L3MBTL1: variants seen among roughly 807,000 people sequenced by gnomAD.
L3MBTL1 encodes lethal(3)malignant brain tumor-like protein 1.
L3MBTL1 carries 75 observed loss-of-function variants against 105.3 expected under a neutral mutation model. That is an observed-to-expected ratio of 0.71 (90% CI 0.59 to 0.86). The LOEUF (loss-of-function observed/expected upper bound fraction) is 0.86. Ranked by LOEUF, L3MBTL1 falls within the 40% of genes least tolerant of loss-of-function variation. The pLI, the probability that L3MBTL1 is intolerant of heterozygous loss-of-function variation, is 0.00. For synonymous variants in L3MBTL1, 452 were observed against 436.2 expected (o/e 1.04, Z -0.45); for missense variants, 1,069 against 1,126.4 (o/e 0.95, Z 0.73).
At chr20:43,511,501 G>C (rs1320612392) in intron 1 of L3MBTL1, among the ~76,000 whole-genome samples, 2 of 152,182 alleles carry the variant, frequency 1.3e-5, no homozygotes, top group Non-Finnish European at 2.9e-5. Flanking sequence ...CCTTGGTCAG[G>C]CCGGACTCGA....
intron 1 of L3MBTL1, among the ~76,000 whole-genome samples, chr20:43,512,738 T>A (rs2018166984): frequency 6.6e-6 from 1 of 152,208 alleles, no homozygotes; most frequent in South Asian, 2.1e-4. Flanking sequence ...AAATAGATAT[T>A]AAGTATATTC....
At chr20:43,523,033 G>C (rs1431770045) in intron 7 of L3MBTL1, among the ~76,000 whole-genome samples, 11 of 151,738 alleles carry the variant, frequency 7.2e-5, no homozygotes, top group Non-Finnish European at 1.6e-4. Flanking sequence ...ACTTGAACCT[G>C]GGAAACGGAG....
chr20:43,550,322 G>C (rs1251350673), exon 19 of L3MBTL1: 4 of 152,234 alleles, frequency 2.6e-5, no homozygotes, highest in African/African-American at 9.6e-5. Context: ...TTTGCCATCA[G>C]ATCTGCCAAG....
rs753854328 is a variant in L3MBTL1 at position 43,530,815 on chromosome 20, T to C, written c.1210T>C (p.Phe404Leu). Residue 404 changes from phenylalanine to leucine, a missense_variant, in exon 11 of 22, where the codon TTC becomes CTC. Coordinates refer to ENST00000418998, the MANE Select transcript of L3MBTL1 (RefSeq NM_001377303.1). The stretch of plus-strand genomic sequence containing the variant: ...GGGCCTAGGTTACAAGGAGGAGGAG[T>C]TCAGCTGGAGCCAGTACCTGCGCAG... The part of the protein sequence containing the change: ...QPPKGYKEEE[F>L]SWSQYLRSTR... The C allele has an allele frequency of 3.0e-5, 48 of 1,613,660 alleles. No homozygotes were observed. The highest frequency in any genetic ancestry group is 4.0e-5 in the Non-Finnish European group (47 of 1,179,932).
rs1187776229 is a variant in L3MBTL1 at position 43,540,160 on chromosome 20, C to T, written c.2183C>T (p.Pro728Leu). The change falls in exon 20 of 22, where the codon CCC becomes CTC. Residue 728 changes from proline to leucine, a missense_variant. Pro to Leu is a moderately conservative substitution (Grantham distance 98, BLOSUM62 -3). Transcript: ENST00000418998. ...IPQEDFQTLT[P>L]DVVHQSLFMS... The stretch of plus-strand genomic sequence containing the variant: ...TGCCTCTGCTTTCCAGCCCTCACGC[C>T]CGATGTCGTGCACCAGTCCCTCTTC... 1 of 1,612,212 alleles carries T rather than the reference C, an allele frequency of 6.2e-7. No individual in the cohort carries two copies.
chr20:43,539,700 G>A, intron 19 of L3MBTL1: 1 of 266,838 alleles, frequency 3.7e-6, no homozygotes, highest in South Asian at 4.1e-5. Context: ...GAATCACCCT[G>A]GCTCTGAGAA....
chr20:43,521,964 A>G (rs1168118145), intron 7 of L3MBTL1, among the ~76,000 whole-genome samples: 1 of 152,226 alleles, frequency 6.6e-6, no homozygotes. Flanking sequence ...TAAATATCAT[A>G]AGAGATTTTC....
At position 43,532,709 on chromosome 20, in the gene L3MBTL1, A is replaced by G. The variant is rs116181513; in HGVS notation, c.1285-64A>G. ...AGAGAACCTATTCCTTTGTTTGCCAATGGGCTCTGGGCTGGTCTTAGCCAG... is the reference window on the plus strand; with the variant it reads ...AGAGAACCTATTCCTTTGTTTGCCAGTGGGCTCTGGGCTGGTCTTAGCCAG... On this transcript the variant is annotated intron_variant, in intron 11 of 21. Transcript: ENST00000418998. The G allele has an allele frequency of 1.3e-3, 2,046 of 1,561,084 alleles. 17 individuals carry two copies. The African/African-American group carries it at 0.017, about 13-fold the overall frequency.
downstream of L3MBTL1, among the ~76,000 whole-genome samples, chr20:43,544,796 C>G (rs1476837388): frequency 6.6e-6 from 1 of 151,970 alleles, no homozygotes. Flanking sequence ...GAAACCCAGT[C>G]TCTATGAAAA....
At chr20:43,515,191 C>G in intron 5 of L3MBTL1, 32 bp downstream of exon 5, 2 of 1,614,126 alleles carry the variant, frequency 1.2e-6, no homozygotes, top group African/African-American at 2.7e-5. Flanking sequence ...CCTACTTGCT[C>G]TACCTTCAGC....
chr20:43,534,273 C>G lies in L3MBTL1; in HGVS notation c.1600-11C>G, dbSNP rs774966672. 6.2e-7 allele frequency: 1 copy of G among 1,610,958 alleles called. No individual in the cohort carries two copies. The highest frequency in any genetic ancestry group is 8.5e-7 in the Non-Finnish European group (1 of 1,178,092). On this transcript the variant is annotated splice_polypyrimidine_tract_variant and intron_variant, in intron 14 of 21. Transcript: ENST00000418998. ...TGCGCCTTGCCCTGAAGGCAGCTGT[C>G]CCCTCTGCAGCGACCCCCTCACAGC... is the stretch of plus-strand genomic sequence containing the variant.
At chr20:43,548,122 C>T (rs923056105) in exon 19 of L3MBTL1, 10 of 1,303,784 alleles carry the variant, frequency 7.7e-6, no homozygotes, top group African/African-American at 1.5e-5. Context: ...TGATTGACGG[C>T]GAGGCCTTCC....
At chr20:43,532,617 C>A in intron 11 of L3MBTL1, 156 bp from the exon 12 acceptor site, 1 of 761,668 alleles carries the variant, frequency 1.3e-6, no homozygotes, top group Non-Finnish European at 2.1e-6. Flanking sequence ...ATGATTCTGC[C>A]CTGGAGGGCC....
In L3MBTL1 at chr20:43,514,787, C is replaced by A. The variant is rs748539995; in HGVS notation, c.502+11C>A. On this transcript the variant is annotated intron_variant, in intron 4 of 21. Transcript: ENST00000418998. ...GCCCCCAACAGGCGGGTAGGAGCCC[C>A]GCTCCCCAGGCCCTGAGCTGGGCCC... The A allele has an allele frequency of 2.6e-6, 4 of 1,540,688 alleles. No individual in the cohort carries two copies. The highest frequency in any genetic ancestry group is 2.4e-5 in the East Asian group (1 of 40,994).
At chr20:43,522,456 AGTTTTTTTTTT>A (rs2018769062) in intron 7 of L3MBTL1, among the ~76,000 whole-genome samples, 2 of 89,944 alleles carry the variant, frequency 2.2e-5, no homozygotes, top group East Asian at 4.2e-4. Flanking sequence ...TTCCCTGCTA[AGTTTTTTTTTT>A]TTTTTTTTTT....
chr20:43,529,970 G>C (rs1381717162), intron 9 of L3MBTL1, among the ~76,000 whole-genome samples: 3 of 152,170 alleles, frequency 2.0e-5, no homozygotes, highest in Admixed American at 1.3e-4. Context: ...CAGAGGGAGC[G>C]GTCATCAGGA....
At chr20:43,545,678 G>A (rs1393130980), downstream of L3MBTL1, among the ~76,000 whole-genome samples, 1 of 152,194 alleles carries the variant, frequency 6.6e-6, no homozygotes, top group Non-Finnish European at 1.5e-5. Flanking sequence ...TTTCACTTGA[G>A]GGGTCATTTT....
At chr20:43,550,110 AG>A (rs1978887363) in exon 19 of L3MBTL1, 1 of 152,154 alleles carries the variant, frequency 6.6e-6, no homozygotes, top group Non-Finnish European at 1.5e-5. Context: ...CCCTTGGCCA[AG>A]AGTAAAGAAG....
intron 3 of L3MBTL1, chr20:43,514,275 A>C: frequency 1.3e-6 from 1 of 778,122 alleles, no homozygotes; most frequent in Non-Finnish European, 2.0e-6. Context: ...GGAGTGAGGC[A>C]CTCTGGGACT....
Sources: allele counts gnomAD v4.1 joint callset (sites outside exome capture counted in the v4.1 genomes callset), GRCh38; gene constraint gnomAD v4.1.1; transcripts MANE v1.5; gene names NCBI Gene and HGNC (gene_info 2026-07-23, HGNC 2026-07-21).